The following DCBLD1 variants were observed in gnomAD, a reference collection of about 807,000 sequenced individuals.
DCBLD1 encodes discoidin, CUB and LCCL domain-containing protein 1.
A neutral mutation model predicts 71.5 loss-of-function variants in DCBLD1; 57 were observed. That is an observed-to-expected ratio of 0.80 (90% CI 0.64 to 0.99). The LOEUF is 0.99. DCBLD1 is among the 50% of genes least tolerant of loss of function. The probability of loss-of-function intolerance (pLI) is 0.00; values close to 1 mark genes in which losing one functional copy is unlikely to be tolerated. For missense variants in DCBLD1, 891 were observed against 923.5 expected (o/e 0.96, Z 0.46); for synonymous variants, 380 against 363.8 (o/e 1.04, Z -0.51).
At chr6:117,495,054 AG>A (rs1777425238) in intron 1 of DCBLD1, among the ~76,000 whole-genome samples, 1 of 152,204 alleles carries the variant, frequency 6.6e-6, no homozygotes, top group African/African-American at 2.4e-5. Flanking sequence ...GAGGAGGGTG[AG>A]GGCATAACCC....
chr6:117,547,612 G>T (rs1779310822), intron 14 of DCBLD1: 1 of 670,030 alleles, frequency 1.5e-6, no homozygotes, highest in Non-Finnish European at 2.8e-6. Flanking sequence ...CTTCTCCAGA[G>T]CCAGTTTCAG....
In DCBLD1 at chr6:117,548,213, C is replaced by A; in HGVS notation, c.1922C>A (p.Pro641His). Residue 641 changes from proline to histidine, a missense_variant, in exon 15 of 15, where the codon CCC becomes CAC. Physicochemically the swap from Pro to His is moderately conservative, Grantham distance 77. Transcript: ENST00000338728. ...KHSLSSGGFS[P>H]VAGVGAQDGD... is the part of the protein sequence containing the mutation. ...TCCCTCTCCTCGGGCGGCTTCTCCC[C>A]CGTAGCGGGTGTGGGCGCCCAGGAC... 6.4e-7 allele frequency: 1 copy of A among 1,550,584 alleles called. No homozygotes were observed. The highest frequency in any genetic ancestry group is 8.7e-7 in the Non-Finnish European group (1 of 1,146,986).
downstream of DCBLD1, among the ~76,000 whole-genome samples, chr6:117,552,118 T>G (rs1331627741): frequency 6.6e-6 from 1 of 152,088 alleles, no homozygotes; most frequent in Non-Finnish European, 1.5e-5. Context: ...AGACCATGTT[T>G]TTGTTGTTGT....
Position 117,539,324 on chromosome 6 carries a change from A to G in DCBLD1, c.1046A>G (p.Lys349Arg), listed in dbSNP as rs777373188. Residue 349 changes from lysine to arginine, a missense_variant, in exon 9 of 15, where the codon AAA (lysine) becomes AGA (arginine). Transcript: ENST00000338728. ...FYVKSFVMNFKNNNSKWKTYK... is the reference protein window; with the variant it reads ...FYVKSFVMNFRNNNSKWKTYK... ...GTTAAGAGTTTTGTGATGAACTTCA[A>G]AAACAATAATTCTAAGTGGAAGACC... 5.6e-6 allele frequency: 9 copies of G among 1,610,306 alleles called. No homozygotes were observed. In the Admixed American group the frequency reaches 6.8e-5, roughly 12 times the overall value.
intron 2 of DCBLD1, among the ~76,000 whole-genome samples, chr6:117,505,478 G>A (rs1777809456): frequency 2.6e-5 from 4 of 152,130 alleles, no homozygotes; most frequent in African/African-American, 9.7e-5. Context: ...CCTGGAAGAT[G>A]AGCATTTCAT....
In DCBLD1 at chr6:117,548,384, C is replaced by T. The variant is rs1180872107; in HGVS notation, c.2093C>T (p.Ala698Val). The change falls in exon 15 of 15, where the codon GCC (alanine) becomes GTC (valine). Residue 698 changes from alanine to valine, a missense_variant. Ala to Val is a moderately conservative substitution (Grantham distance 64, BLOSUM62 0). Transcript: ENST00000338728. The part of the protein sequence containing the change: ...THPGTSDSYS[A>V]PRDCLTPLNQ... ...CCCGGGACGAGTGACAGCTATTCTG[C>T]CCCCAGAGACTGCCTCACACCCCTC... 6.4e-7 allele frequency: 1 copy of T among 1,550,674 alleles called. No homozygotes were observed. The highest frequency in any genetic ancestry group is 1.7e-4 in the Middle Eastern group (1 of 5,992).
intron 2 of DCBLD1, among the ~76,000 whole-genome samples, chr6:117,510,052 G>A (rs1377423224): frequency 6.6e-6 from 1 of 152,076 alleles, no homozygotes; most frequent in Admixed American, 6.5e-5. Context: ...ATCTAATGTT[G>A]TGTAATTAAA....
intron 14 of DCBLD1, among the ~76,000 whole-genome samples, chr6:117,556,541 A>G (rs377339834): frequency 1.3e-5 from 2 of 152,328 alleles, no homozygotes; most frequent in African/African-American, 4.8e-5. Context: ...TTGCTGCAAG[A>G]CATGATTTCA....
intron 14 of DCBLD1, among the ~76,000 whole-genome samples, chr6:117,564,088 C>T (rs1335625198): frequency 6.6e-6 from 1 of 151,736 alleles, no homozygotes; most frequent in African/African-American, 2.4e-5. Context: ...AGCAATCCTT[C>T]CACCTCAGCC....
chr6:117,551,489 G>T (rs1427352300), downstream of DCBLD1, among the ~76,000 whole-genome samples: 4 of 151,940 alleles, frequency 2.6e-5, no homozygotes, highest in Non-Finnish European at 4.4e-5. Context: ...ATGCCATTCT[G>T]CTGCCTCAGC....
chr6:117,513,232 C>T (rs1293280367), intron 2 of DCBLD1, among the ~76,000 whole-genome samples: 2 of 152,172 alleles, frequency 1.3e-5, no homozygotes, highest in Non-Finnish European at 2.9e-5. Flanking sequence ...TTTATTCACA[C>T]ATGGAAAGAT....
At chr6:117,486,562 T>C (rs377098984) in intron 1 of DCBLD1, among the ~76,000 whole-genome samples, 34 of 152,324 alleles carry the variant, frequency 2.2e-4, no homozygotes, top group African/African-American at 7.5e-4. Context: ...TTTTTTGCTA[T>C]TTCTCCAAAA....
chr6:117,482,793 C>A lies in DCBLD1; in HGVS notation c.12C>A (p.Gly4=). 8.7e-7 allele frequency: 1 copy of A among 1,144,998 alleles called. No homozygotes were observed. The highest frequency in any genetic ancestry group is 1.1e-6 in the Non-Finnish European group (1 of 932,842). 70.9% of individuals were successfully genotyped at this position (1,144,998 alleles called of 1,614,324 possible). MVP[G]ARGGGALARA... The stretch of plus-strand genomic sequence containing the variant: ...CGCCCAGCGGGGTCATGGTGCCCGG[C>A]GCCCGCGGCGGCGGCGCACTGGCGC... Residue 4 remains glycine, a synonymous_variant, in exon 1 of 15, where the codon GGC becomes GGA. Transcript: ENST00000338728.
At position 117,514,005 on chromosome 6, in the gene DCBLD1, C is replaced by T. The variant is rs1031396739; in HGVS notation, c.326-5811C>T. On this transcript the variant is annotated intron_variant, in intron 2 of 14. Transcript: ENST00000338728. ...AGAGATTATCCTTAAAGGAGTCTGG[C>T]GGAGCACTGAGGACATTGCTTAGGA... Among the ~76,000 whole-genome samples the T allele has an allele frequency of 6.6e-5, 10 of 152,110 alleles. No homozygotes were observed. In the East Asian group the frequency reaches 1.5e-3, roughly 23 times the overall value.
chr6:117,568,076 G>A (rs1490678600), intron 14 of DCBLD1, among the ~76,000 whole-genome samples: 1 of 151,104 alleles, frequency 6.6e-6, no homozygotes, highest in East Asian at 1.9e-4. Flanking sequence ...GCAGGCATCT[G>A]TAGTCTTAGC....
intron 1 of DCBLD1, among the ~76,000 whole-genome samples, chr6:117,502,601 C>T (rs1323650915): frequency 6.6e-6 from 1 of 152,184 alleles, no homozygotes; most frequent in African/African-American, 2.4e-5. Flanking sequence ...CTTTGAGGTC[C>T]TCAGATTCAC....
At chr6:117,500,466 G>T (rs1270382899) in intron 1 of DCBLD1, among the ~76,000 whole-genome samples, 1 of 152,204 alleles carries the variant, frequency 6.6e-6, no homozygotes, top group African/African-American at 2.4e-5. Context: ...GAATGTTGAC[G>T]ATTTGAACTT....
At chr6:117,511,850 C>T (rs554628950) in intron 2 of DCBLD1, among the ~76,000 whole-genome samples, 8 of 152,116 alleles carry the variant, frequency 5.3e-5, no homozygotes, top group African/African-American at 1.9e-4. Flanking sequence ...AAATTTCCAG[C>T]TCACAGAGAG....
intron 1 of DCBLD1, among the ~76,000 whole-genome samples, chr6:117,490,860 A>G (rs1314947823): frequency 6.6e-6 from 1 of 152,190 alleles, no homozygotes; most frequent in African/African-American, 2.4e-5. Flanking sequence ...GTATAGCTCC[A>G]TTTTTGCATT....
Sources: gnomAD v4.1 joint callset for allele counts (sites outside exome capture counted in the v4.1 genomes callset) on GRCh38, gnomAD v4.1.1 for gene constraint, MANE v1.5 for transcripts, NCBI Gene and HGNC (gene_info 2026-07-23, HGNC 2026-07-21) for gene names.